NRG3: variants seen among roughly 807,000 people sequenced by gnomAD.
NRG3 encodes neuregulin 3.
A neutral mutation model predicts 66.9 loss-of-function variants in NRG3; 31 were observed. The ratio of observed to expected loss-of-function variants is 0.46; its 90% CI spans 0.35 to 0.63. NRG3 has a LOEUF of 0.63. Ranked by LOEUF, NRG3 falls within the 20% of genes least tolerant of loss-of-function variation. The pLI, the probability that NRG3 is intolerant of heterozygous loss-of-function variation, is 0.00. For missense variants in NRG3, 910 were observed against 878.9 expected (o/e 1.04, Z -0.45); for synonymous variants, 393 against 359.4 (o/e 1.09, Z -1.06).
chr10:82,891,741 T>C (rs765858582), intron 4 of NRG3, among the ~76,000 whole-genome samples: 2 of 152,044 alleles, frequency 1.3e-5, no homozygotes, highest in Non-Finnish European at 1.5e-5. Flanking sequence ...TTTTGTTCTC[T>C]CTTAAATTTA....
chr10:81,920,311 A>C (rs1268162237), intron 1 of NRG3, among the ~76,000 whole-genome samples: 1 of 152,146 alleles, frequency 6.6e-6, no homozygotes, highest in South Asian at 2.1e-4. Flanking sequence ...ACCAAAAAGA[A>C]AATTCGAAGG....
intron 4 of NRG3, among the ~76,000 whole-genome samples, chr10:82,924,578 TA>T (rs11376707): frequency 0.013 from 1,916 of 142,238 alleles, 18 homozygotes; most frequent in African/African-American, 0.033. Flanking sequence ...TATCTCACAT[TA>T]AAAAAAAAAA....
intron 1 of NRG3, among the ~76,000 whole-genome samples, chr10:82,335,017 C>T (rs2082318042): frequency 1.3e-5 from 2 of 152,214 alleles, no homozygotes; most frequent in Admixed American, 6.5e-5. Context: ...CTACTGCTTA[C>T]ATTTCATCCT....
intron 2 of NRG3, among the ~76,000 whole-genome samples, chr10:82,403,351 G>C (rs960718329): frequency 6.6e-6 from 1 of 152,064 alleles, no homozygotes; most frequent in Non-Finnish European, 1.5e-5. Flanking sequence ...CCCCCACTCA[G>C]AGAAACTGCC....
chr10:82,178,975 A>G (rs1320743227), intron 1 of NRG3, among the ~76,000 whole-genome samples: 1 of 151,864 alleles, frequency 6.6e-6, no homozygotes, highest in African/African-American at 2.4e-5. Context: ...TTTGATTTTC[A>G]TTTTTCTGAT....
chr10:82,960,607 T>A (rs1850546714), intron 6 of NRG3, among the ~76,000 whole-genome samples: 1 of 152,100 alleles, frequency 6.6e-6, no homozygotes, highest in Non-Finnish European at 1.5e-5. Flanking sequence ...CACATCCAGA[T>A]GGCCGGTTCC....
intron 2 of NRG3, among the ~76,000 whole-genome samples, chr10:82,489,205 A>G (rs1483607363): frequency 6.6e-6 from 1 of 152,214 alleles, no homozygotes; most frequent in East Asian, 1.9e-4. Context: ...TGATTCGGAA[A>G]TGGGTGCTTT....
chr10:82,477,325 C>T (rs565929088), intron 2 of NRG3, among the ~76,000 whole-genome samples: 18 of 152,156 alleles, frequency 1.2e-4, no homozygotes, highest in South Asian at 4.2e-4. Flanking sequence ...ACATGACCAA[C>T]GCAGTGAGAT....
At chr10:82,285,698 T>C (rs981978678) in intron 1 of NRG3, among the ~76,000 whole-genome samples, 1 of 152,156 alleles carries the variant, frequency 6.6e-6, no homozygotes, top group African/African-American at 2.4e-5. Context: ...AGGGAAACAG[T>C]TGAAGCCACT....
intron 1 of NRG3, among the ~76,000 whole-genome samples, chr10:82,101,838 G>A (rs2066740528): frequency 6.6e-6 from 1 of 150,984 alleles, no homozygotes; most frequent in African/African-American, 2.4e-5. Flanking sequence ...CAGTTTGGTC[G>A]ATACTGTGGT....
intron 1 of NRG3, among the ~76,000 whole-genome samples, chr10:81,991,567 C>T (rs1446656359): frequency 6.6e-6 from 1 of 152,102 alleles, no homozygotes; most frequent in East Asian, 1.9e-4. Flanking sequence ...AATTAACCAA[C>T]CTTCCTTACT....
chr10:82,864,822 G>GTTTT (rs1840546933), intron 3 of NRG3, among the ~76,000 whole-genome samples: 1 of 152,126 alleles, frequency 6.6e-6, no homozygotes, highest in Admixed American at 6.5e-5. Context: ...TGGTGCCCTG[G>GTTTT]AAGTGTCTCA....
rs146216915 is a variant in NRG3, at chr10:82,404,707, G to A, written c.953+45839G>A. Among the ~76,000 whole-genome samples, 287 of 152,228 alleles carry A rather than the reference G, an allele frequency of 1.9e-3. 1 individual carries two copies. The highest frequency in any genetic ancestry group is 6.6e-3 in the African/African-American group (275 of 41,550). On this transcript the variant is annotated intron_variant, in intron 2 of 8. Transcript: ENST00000372141. Reference sequence around the variant, plus strand: ...AAGGGATTAGTAATTTTCAAAGTTAGGATGCCACATGTCATAACTGGAGTC... The same window carrying A: ...AAGGGATTAGTAATTTTCAAAGTTAAGATGCCACATGTCATAACTGGAGTC...
intron 1 of NRG3, among the ~76,000 whole-genome samples, chr10:82,090,682 A>T (rs536630228): frequency 1.3e-5 from 2 of 152,280 alleles, no homozygotes; most frequent in African/African-American, 4.8e-5. Flanking sequence ...GCACATTACA[A>T]CATAAACCAG....
At chr10:82,139,379 C>G (rs766752932) in intron 1 of NRG3, among the ~76,000 whole-genome samples, 3 of 152,106 alleles carry the variant, frequency 2.0e-5, no homozygotes, top group African/African-American at 4.8e-5. Flanking sequence ...CACCATCATG[C>G]TTCAGTATAT....
At chr10:82,836,743 TTTA>T (rs2135717333) in intron 3 of NRG3, among the ~76,000 whole-genome samples, 1 of 152,008 alleles carries the variant, frequency 6.6e-6, no homozygotes, top group Non-Finnish European at 1.5e-5. Context: ...TCTAATTTTT[TTTA>T]TTATACTTTA....
chr10:82,239,501 A>AT (rs926221738), intron 1 of NRG3, among the ~76,000 whole-genome samples: 9 of 151,772 alleles, frequency 5.9e-5, no homozygotes, highest in East Asian at 1.9e-4. Flanking sequence ...CTTTACAACC[A>AT]TTTTTTTTGC....
At chr10:82,440,292 A>G in intron 2 of NRG3, among the ~76,000 whole-genome samples, 1 of 150,348 alleles carries the variant, frequency 6.7e-6, no homozygotes, top group East Asian at 1.9e-4. Flanking sequence ...CATCTCATTT[A>G]TTATATATAA....
intron 2 of NRG3, among the ~76,000 whole-genome samples, chr10:82,685,788 TTTTTG>T (rs950663861): frequency 1.3e-5 from 2 of 152,324 alleles, no homozygotes; most frequent in Admixed American, 6.5e-5. Context: ...ATGCTTATAA[TTTTTG>T]TTTTATTTTC....
Sources: allele counts gnomAD v4.1 joint callset (sites outside exome capture counted in the v4.1 genomes callset), GRCh38; gene constraint gnomAD v4.1.1; transcripts MANE v1.5; gene names NCBI Gene and HGNC (gene_info 2026-07-23, HGNC 2026-07-21).